The following CMSS1 variants were observed in gnomAD, a reference collection of about 807,000 sequenced individuals.
CMSS1 encodes the protein protein CMSS1.
CMSS1 carries 33 observed loss-of-function variants against 43.5 expected under a neutral mutation model. The ratio of observed to expected loss-of-function variants is 0.76; its 90% CI spans 0.57 to 1.01. The LOEUF is 1.01. Among genes scored for constraint, CMSS1 ranks in the 50% least tolerant of loss-of-function variants. CMSS1 has a pLI of 0.00. For missense variants in CMSS1, 313 were observed against 326.4 expected, an observed-to-expected ratio of 0.96 and a Z score of 0.32; for synonymous variants, 115 against 117.2, an observed-to-expected ratio of 0.98 and a Z score of 0.12.
At chr3:99,850,232 T>C in intron 1 of CMSS1, 2 of 1,613,702 alleles carry the variant, frequency 1.2e-6, no homozygotes, top group Non-Finnish European at 1.7e-6. Flanking sequence ...GTGAATTCTG[T>C]CTTTTCTAGC....
rs765087340 is a variant in CMSS1 at position 99,924,334 on chromosome 3, G to A, written c.64+106291G>A. ...CCAACTCCAATATGGTTTGCCTACG[G>A]GATTTTTCTGCCACTAAAAGCTGTC... On this transcript the variant is annotated intron_variant, in intron 1 of 9. Transcript: ENST00000421999. 1.1e-5 allele frequency: 17 copies of A among 1,613,848 alleles called. No individual in the cohort carries two copies. The Admixed American group carries it at 2.0e-4, about 19-fold the overall frequency.
At chr3:99,968,307 G>C (rs1321184917) in intron 1 of CMSS1, among the ~76,000 whole-genome samples, 2 of 152,020 alleles carry the variant, frequency 1.3e-5, no homozygotes, top group Non-Finnish European at 2.9e-5. Flanking sequence ...TCTTATTGTA[G>C]CCTAAATTGT....
At chr3:100,070,744 G>T (rs2065747647) in intron 1 of CMSS1, among the ~76,000 whole-genome samples, 1 of 152,130 alleles carries the variant, frequency 6.6e-6, no homozygotes, top group South Asian at 2.1e-4. Context: ...CAGTTCTCCT[G>T]CCTCAGCCTC....
intron 1 of CMSS1, among the ~76,000 whole-genome samples, chr3:99,871,254 T>A (rs947837356): frequency 1.3e-5 from 2 of 152,168 alleles, no homozygotes; most frequent in East Asian, 1.9e-4. Flanking sequence ...TGTTTTCAGC[T>A]CCTAAACAAA....
chr3:100,007,615 A>G (rs937715285), intron 1 of CMSS1, among the ~76,000 whole-genome samples: 4 of 152,208 alleles, frequency 2.6e-5, no homozygotes, highest in Admixed American at 6.5e-5. Flanking sequence ...GAATTGGCCC[A>G]GAAAGTGTAC....
At chr3:99,888,771 T>C (rs1705991174) in intron 1 of CMSS1, among the ~76,000 whole-genome samples, 1 of 152,216 alleles carries the variant, frequency 6.6e-6, no homozygotes, top group Admixed American at 6.5e-5. Context: ...TAACCATCTT[T>C]GTTGATTCAT....
At chr3:100,108,626 G>A (rs915200956) in intron 1 of CMSS1, among the ~76,000 whole-genome samples, 4 of 152,114 alleles carry the variant, frequency 2.6e-5, no homozygotes, top group Non-Finnish European at 5.9e-5. Context: ...TAGTGGTTGG[G>A]CATTGCCCTG....
At chr3:99,865,784 G>A (rs375826724) in intron 1 of CMSS1, among the ~76,000 whole-genome samples, 27 of 151,772 alleles carry the variant, frequency 1.8e-4, no homozygotes, top group East Asian at 9.6e-4. Flanking sequence ...TTAGAAATAT[G>A]TGTGTATGTA....
intron 1 of CMSS1, among the ~76,000 whole-genome samples, chr3:99,856,712 C>A (rs1015566780): frequency 6.6e-6 from 1 of 152,096 alleles, no homozygotes; most frequent in Non-Finnish European, 1.5e-5. Context: ...TTGGTACTAA[C>A]CATAATTCTG....
chr3:100,127,046 C>G (rs771212797), intron 1 of CMSS1, among the ~76,000 whole-genome samples: 31 of 152,000 alleles, frequency 2.0e-4, no homozygotes, highest in Non-Finnish European at 4.3e-4. Flanking sequence ...GGAAAGAAAG[C>G]AGACAGGCAG....
chr3:100,167,232 G>A (rs879880434), intron 5 of CMSS1, among the ~76,000 whole-genome samples: 8 of 152,134 alleles, frequency 5.3e-5, no homozygotes, highest in African/African-American at 9.7e-5. Context: ...TTCAGAAAAT[G>A]TAAATCTAGG....
intron 1 of CMSS1, among the ~76,000 whole-genome samples, chr3:99,948,787 G>A (rs941595538): frequency 2.0e-5 from 3 of 151,376 alleles, no homozygotes; most frequent in Non-Finnish European, 2.9e-5. Context: ...AGAAAGGAAA[G>A]AAAAAGAGAA....
rs529697521 is a variant in CMSS1 at position 99,945,964 on chromosome 3, C to G, written c.64+127921C>G. Among the ~76,000 whole-genome samples the G allele has an allele frequency of 3.9e-5, 6 of 152,346 alleles. No homozygotes were observed. The South Asian group carries it at 8.3e-4, about 21-fold the overall frequency. On this transcript the variant is annotated intron_variant, in intron 1 of 9. Coordinates refer to ENST00000421999, the MANE Select transcript of CMSS1 (RefSeq NM_032359.4). ...AACTCATTCATAGCTGTTTTCATAT[C>G]CTCTGCCTAGCAGCTCTTTTGTGAG... is the stretch of plus-strand genomic sequence containing the variant.
At chr3:100,058,595 A>G (rs1444457312) in intron 1 of CMSS1, among the ~76,000 whole-genome samples, 1 of 152,206 alleles carries the variant, frequency 6.6e-6, no homozygotes. Flanking sequence ...CCCTTGGTGG[A>G]CAAAGAGAAA....
At chr3:100,144,108 T>G (rs985631540) in intron 1 of CMSS1, among the ~76,000 whole-genome samples, 1 of 152,220 alleles carries the variant, frequency 6.6e-6, no homozygotes, top group Non-Finnish European at 1.5e-5. Flanking sequence ...ATACGTTTTT[T>G]TCTTTTGTTT....
intron 1 of CMSS1, among the ~76,000 whole-genome samples, chr3:100,106,544 T>G (rs954025203): frequency 1.3e-4 from 20 of 152,070 alleles, no homozygotes; most frequent in African/African-American, 4.8e-4. Flanking sequence ...CAAAGAAAGG[T>G]TGAGAGCTGG....
At chr3:100,095,500 C>A (rs547805154) in intron 1 of CMSS1, among the ~76,000 whole-genome samples, 1 of 151,448 alleles carries the variant, frequency 6.6e-6, no homozygotes, top group African/African-American at 2.4e-5. Context: ...ACAGTCATAC[C>A]GAGAACATGC....
chr3:99,978,079 A>G (rs951542575), intron 1 of CMSS1, among the ~76,000 whole-genome samples: 4 of 152,190 alleles, frequency 2.6e-5, no homozygotes, highest in African/African-American at 9.7e-5. Flanking sequence ...TCAAAAGAAA[A>G]CATTTTTAAA....
intron 1 of CMSS1, chr3:99,876,262 GGGCGCCGGTGACC>G (rs1705514882): frequency 1.0e-6 from 1 of 974,138 alleles, no homozygotes; most frequent in Non-Finnish European, 1.2e-6. Flanking sequence ...CTGTCGGCGG[GGGCGCCGGTGACC>G]GCGGGACCCT....
Sources: allele counts gnomAD v4.1 joint callset (sites outside exome capture counted in the v4.1 genomes callset), GRCh38; gene constraint gnomAD v4.1.1; transcripts MANE v1.5; gene names NCBI Gene and HGNC (gene_info 2026-07-23, HGNC 2026-07-21).